Variants in TENM2 observed in about 807,000 individuals in gnomAD.
TENM2 encodes teneurin transmembrane protein 2, also known as teneurin-2.
Under a neutral mutation model 245.2 loss-of-function variants are expected in TENM2, and 52 were observed. The ratio of observed to expected loss-of-function variants is 0.21; its 90% CI spans 0.17 to 0.27. TENM2 has a LOEUF of 0.27. Ranked by LOEUF, TENM2 falls within the 10% of genes least tolerant of loss-of-function variation. The pLI is 1.00. For missense variants in TENM2, 3,046 were observed against 3,666.8 expected (o/e 0.83, Z 4.37); for synonymous variants, 1,363 against 1,438.9 (o/e 0.95, Z 1.19).
At chr5:167,927,400 G>C (rs1407656945) in intron 3 of TENM2, among the ~76,000 whole-genome samples, 2 of 152,156 alleles carry the variant, frequency 1.3e-5, no homozygotes, top group Non-Finnish European at 2.9e-5. Context: ...CACTGAGTTG[G>C]GGGAGATGTC....
chr5:167,830,836 T>C (rs896112733), intron 2 of TENM2, among the ~76,000 whole-genome samples: 2 of 152,186 alleles, frequency 1.3e-5, no homozygotes, highest in African/African-American at 4.8e-5. Flanking sequence ...AGAGTGGGTC[T>C]CTGAATTTGC....
At chr5:168,200,100 C>A (rs1306585166) in exon 17 of TENM2, 5 of 1,613,638 alleles carry the variant, frequency 3.1e-6, no homozygotes, top group Non-Finnish European at 4.2e-6. Flanking sequence ...ATGCGTATGG[C>A]CAAAGGGTGT....
chr5:167,442,619 C>T (rs1764936556), intron 2 of TENM2, among the ~76,000 whole-genome samples: 1 of 151,896 alleles, frequency 6.6e-6, no homozygotes, highest in Non-Finnish European at 1.5e-5. Flanking sequence ...TTTCTTATTT[C>T]CATTTTTATT....
At chr5:167,687,858 T>C (rs1757178013) in intron 2 of TENM2, among the ~76,000 whole-genome samples, 1 of 152,174 alleles carries the variant, frequency 6.6e-6, no homozygotes, top group African/African-American at 2.4e-5. Context: ...AAAAAAGCAC[T>C]TGAAAATAGA....
chr5:168,216,660 AG>A, intron 21 of TENM2, 107 bp from the exon 24 acceptor site: 3 of 1,014,954 alleles, frequency 3.0e-6, no homozygotes, highest in Non-Finnish European at 4.6e-6. Context: ...AATTCCAGTA[AG>A]GTCTCTGGTC....
At chr5:167,209,795 A>G in the TENM2 span, among the ~76,000 whole-genome samples, 1 of 152,206 alleles carries the variant, frequency 6.6e-6, no homozygotes, top group African/African-American at 2.4e-5. Flanking sequence ...AAATTATTTT[A>G]AAAAGCAAGG....
intron 5 of TENM2, among the ~76,000 whole-genome samples, chr5:168,026,647 G>T (rs1786652605): frequency 6.6e-6 from 1 of 152,174 alleles, no homozygotes; most frequent in Non-Finnish European, 1.5e-5. Flanking sequence ...AGTGACAGGA[G>T]CACAGCTATG....
intron 2 of TENM2, among the ~76,000 whole-genome samples, chr5:167,614,514 A>G (rs1777662605): frequency 6.6e-6 from 1 of 152,158 alleles, no homozygotes; most frequent in Non-Finnish European, 1.5e-5. Context: ...ACTTCTTATA[A>G]GACAAGTGTA....
At chr5:167,648,948 C>T (rs979008278) in intron 2 of TENM2, among the ~76,000 whole-genome samples, 3 of 152,156 alleles carry the variant, frequency 2.0e-5, no homozygotes, top group Non-Finnish European at 2.9e-5. Flanking sequence ...AGATTTTGAT[C>T]CTCTTGTGCT....
chr5:167,117,010 A>C, the TENM2 span, among the ~76,000 whole-genome samples: 1 of 152,206 alleles, frequency 6.6e-6, no homozygotes, highest in Non-Finnish European at 1.5e-5. Context: ...AATTTAACCC[A>C]CTAAATCCAG....
chr5:167,498,132 A>C (rs1382768183), intron 2 of TENM2, among the ~76,000 whole-genome samples: 2 of 152,074 alleles, frequency 1.3e-5, no homozygotes, highest in African/African-American at 4.8e-5. Context: ...TGTTGTCCTA[A>C]TGAGCAGCAT....
At chr5:167,838,889 T>C (rs1445155107) in intron 2 of TENM2, among the ~76,000 whole-genome samples, 1 of 152,188 alleles carries the variant, frequency 6.6e-6, no homozygotes, top group African/African-American at 2.4e-5. Flanking sequence ...TGGCTTTCTT[T>C]GGGGAAATTT....
intron 2 of TENM2, among the ~76,000 whole-genome samples, chr5:167,866,873 C>T (rs554504486): frequency 1.3e-5 from 2 of 152,320 alleles, no homozygotes; most frequent in African/African-American, 4.8e-5. Context: ...GTCACTAAAA[C>T]TTAATACAAT....
chr5:167,090,282 A>T, the TENM2 span, among the ~76,000 whole-genome samples: 1 of 147,550 alleles, frequency 6.8e-6, no homozygotes. Context: ...TTCATTTCAA[A>T]GGTTTTTTTT....
chr5:167,768,218 G>A (rs772999243), intron 2 of TENM2, among the ~76,000 whole-genome samples: 1 of 152,036 alleles, frequency 6.6e-6, no homozygotes, highest in Non-Finnish European at 1.5e-5. Flanking sequence ...TTTTCCATTG[G>A]TTTTGTTTTC....
At chr5:167,900,846 G>A (rs2151514697) in intron 3 of TENM2, among the ~76,000 whole-genome samples, 1 of 151,080 alleles carries the variant, frequency 6.6e-6, no homozygotes, top group African/African-American at 2.4e-5. Context: ...GGTGAGGTGG[G>A]ATTGAGGCCT....
intron 2 of TENM2, among the ~76,000 whole-genome samples, chr5:167,674,596 T>C (rs1460244139): frequency 1.3e-5 from 2 of 152,130 alleles, no homozygotes; most frequent in African/African-American, 4.8e-5. Flanking sequence ...TGCTTATAAC[T>C]TGCCTTGGAC....
At chr5:167,801,745 A>G (rs1410939357) in intron 2 of TENM2, among the ~76,000 whole-genome samples, 3 of 152,102 alleles carry the variant, frequency 2.0e-5, no homozygotes, top group Non-Finnish European at 4.4e-5. Context: ...ATTTGTATGT[A>G]TGGACTGGTA....
chr5:167,483,435 T>A (rs1767881080), intron 2 of TENM2, among the ~76,000 whole-genome samples: 1 of 152,182 alleles, frequency 6.6e-6, no homozygotes, highest in African/African-American at 2.4e-5. Flanking sequence ...TGTGGGTATG[T>A]GTGTGTGCAC....
Sources: gnomAD v4.1 joint callset for allele counts (sites outside exome capture counted in the v4.1 genomes callset) on GRCh38, gnomAD v4.1.1 for gene constraint, MANE v1.5 for transcripts, NCBI Gene and HGNC (gene_info 2026-07-23, HGNC 2026-07-21) for gene names.